Variants in RSL24D1 observed in about 807,000 individuals in gnomAD.
RSL24D1 encodes ribosomal L24 domain containing 1.
Under a neutral mutation model 26.2 loss-of-function variants are expected in RSL24D1, and 6 were observed. The ratio of observed to expected loss-of-function variants is 0.23; its 90% CI spans 0.13 to 0.45. The LOEUF (loss-of-function observed/expected upper bound fraction) is 0.45, where lower values mean the gene tolerates loss of function less well. RSL24D1 is among the 20% of genes least tolerant of loss of function. The pLI, the probability that RSL24D1 is intolerant of heterozygous loss-of-function variation, is 0.99. For missense variants in RSL24D1, 176 were observed against 202.6 expected, an observed-to-expected ratio of 0.87 and a Z score of 0.80; for synonymous variants, 61 against 59.1, an observed-to-expected ratio of 1.03 and a Z score of -0.15.
chr15:55,186,148 T>A (rs907836689), intron 3 of RSL24D1, among the ~76,000 whole-genome samples: 15 of 152,188 alleles, frequency 9.9e-5, no homozygotes, highest in African/African-American at 3.4e-4. Context: ...AAACATTTTA[T>A]CCTTGTTTTC....
At chr15:55,192,876 T>C (rs1894314260) in intron 1 of RSL24D1, 43 bp from the exon 2 acceptor site, 1 of 1,365,892 alleles carries the variant, frequency 7.3e-7, no homozygotes, top group Non-Finnish European at 1.0e-6. Flanking sequence ...CATTAAAAAC[T>C]TTTCTATCAC....
At chr15:55,193,821 T>TG (rs1894325634) in intron 1 of RSL24D1, among the ~76,000 whole-genome samples, 2 of 151,974 alleles carry the variant, frequency 1.3e-5, no homozygotes, top group African/African-American at 4.8e-5. Flanking sequence ...GACACTAGAG[T>TG]GAAAGCATGT....
rs906169033 is a variant in RSL24D1 at position 55,182,069 on chromosome 15, T to C, written c.*83A>G. ...ATCGCTTTTCATTTAAGTGACCTTA[T>C]GTAAAAAATAAAATAATTTAGCAGT... On this transcript the variant is annotated 3_prime_UTR_variant, in exon 6 of 6. Transcript: ENST00000260443. 3.8e-6 allele frequency: 3 copies of C among 798,592 alleles called. No homozygotes were observed. Among genetic ancestry groups the C allele is most frequent in the African/African-American group, 1.7e-5 (1 of 57,476 alleles). 49.5% of individuals were successfully genotyped at this position (798,592 alleles called of 1,614,324 possible). A position where few individuals can be genotyped will look rare whatever the true frequency, so the allele number is the denominator to read the frequency against.
chr15:55,184,126 G>C (rs144265897), intron 4 of RSL24D1, among the ~76,000 whole-genome samples: 1 of 152,152 alleles, frequency 6.6e-6, no homozygotes, highest in Non-Finnish European at 1.5e-5. Context: ...CTGCTGGCAC[G>C]TGCTTCTTTT....
intron 1 of RSL24D1, chr15:55,194,122 T>C (rs1431234949): frequency 1.3e-5 from 2 of 152,098 alleles, no homozygotes; most frequent in African/African-American, 2.4e-5. Context: ...CAATGAGGAA[T>C]CTAGTTGGTT....
rs1894162433 is a variant in RSL24D1, at chr15:55,181,199, C to T, written c.*953G>A. 1 of 152,182 alleles carries T rather than the reference C, an allele frequency of 6.6e-6. No homozygotes were observed. Among genetic ancestry groups the T allele is most frequent in the Non-Finnish European group, 1.5e-5 (1 of 68,034 alleles). 9.4% of individuals were successfully genotyped at this position (152,182 alleles called of 1,614,324 possible). A position where few individuals can be genotyped will look rare whatever the true frequency, so the allele number is the denominator to read the frequency against. ...AACATTAAGTATTAAGTATCTATTT[C>T]TCTTTAATTAAATGTATCTCCTACT... On this transcript the variant is annotated 3_prime_UTR_variant, in exon 6 of 6. Transcript: ENST00000260443.
At position 55,191,013 on chromosome 15, in the gene RSL24D1, T is replaced by G. The variant is rs370157846; in HGVS notation, c.230A>C (p.Glu77Ala). 1 of 1,604,692 alleles carries G rather than the reference T, an allele frequency of 6.2e-7. No homozygotes were observed. Among genetic ancestry groups the G allele is most frequent in the African/African-American group, 1.3e-5 (1 of 74,458 alleles). Residue 77 changes from glutamate to alanine, a missense_variant, in exon 3 of 6, where the codon GAA (glutamate) becomes GCA (alanine). Coordinates refer to ENST00000260443, the MANE Select transcript of RSL24D1 (RefSeq NM_016304.3). The part of the protein sequence containing the change: ...NSFEFEKRRN[E>A]PIKYQRELWN... ...TAGCTCTCGCTGGTATTTGATAGGT[T>G]CATTTCTACGTTTTTCAAATTCAAA... is the stretch of plus-strand genomic sequence containing the variant.
At chr15:55,184,893 C>T (rs1043214505) in intron 4 of RSL24D1, among the ~76,000 whole-genome samples, 3 of 152,064 alleles carry the variant, frequency 2.0e-5, no homozygotes, top group African/African-American at 7.2e-5. Flanking sequence ...AATAACTTGA[C>T]CTATAGTCTT....
chr15:55,185,109 GTTC>G (rs1308843757), intron 4 of RSL24D1, among the ~76,000 whole-genome samples: 1 of 152,074 alleles, frequency 6.6e-6, no homozygotes, highest in African/African-American at 2.4e-5. Flanking sequence ...TTAAGAGAAT[GTTC>G]TTATTTTTAG....
intron 1 of RSL24D1, among the ~76,000 whole-genome samples, chr15:55,193,795 C>A (rs1043689223): frequency 9.2e-5 from 14 of 152,164 alleles, no homozygotes; most frequent in African/African-American, 3.4e-4. Flanking sequence ...ATACCTCCTA[C>A]AGAGCCTTCT....
chr15:55,188,280 T>C (rs1894245453), intron 3 of RSL24D1, among the ~76,000 whole-genome samples: 1 of 152,196 alleles, frequency 6.6e-6, no homozygotes, highest in Non-Finnish European at 1.5e-5. Flanking sequence ...CATGAAACAA[T>C]CTTAAATTCC....
At chr15:55,190,824 A>T in intron 3 of RSL24D1, 151 bp downstream of exon 3, 1 of 626,828 alleles carries the variant, frequency 1.6e-6, no homozygotes, top group East Asian at 3.0e-5. Context: ...ATCTGACTAC[A>T]ACAGAACCAT....
At chr15:55,188,838 T>C (rs1158631012) in intron 3 of RSL24D1, among the ~76,000 whole-genome samples, 1 of 151,460 alleles carries the variant, frequency 6.6e-6, no homozygotes, top group African/African-American at 2.5e-5. Flanking sequence ...GCTGCTGTCT[T>C]CAAGTAATAA....
intron 1 of RSL24D1, among the ~76,000 whole-genome samples, chr15:55,195,955 A>G (rs879280868): frequency 2.0e-5 from 3 of 152,236 alleles, no homozygotes; most frequent in Admixed American, 6.5e-5. Context: ...GGTGAAAACC[A>G]GGAATCTGTA....
At position 55,182,046 on chromosome 15, in the gene RSL24D1, C is replaced by A. The variant is rs1046198430; in HGVS notation, c.*106G>T. 1 of 674,534 alleles carries A rather than the reference C, an allele frequency of 1.5e-6. No individual in the cohort carries two copies. Among genetic ancestry groups the A allele is most frequent in the Middle Eastern group, 4.1e-4 (1 of 2,428 alleles). The allele number at this position is 674,534 out of a possible 1,614,324, so 41.8% of individuals were successfully genotyped here. A position where few individuals can be genotyped will look rare whatever the true frequency, so the allele number is the denominator to read the frequency against. ...CAATGCAGGAAAGATGTCTTTTAAT[C>A]GCTTTTCATTTAAGTGACCTTATGT... On this transcript the variant is annotated 3_prime_UTR_variant, in exon 6 of 6. Transcript: ENST00000260443.
rs1459592781 is a variant in RSL24D1, at chr15:55,182,071, T to C, written c.*81A>G. On this transcript the variant is annotated 3_prime_UTR_variant, in exon 6 of 6. Coordinates refer to ENST00000260443, the MANE Select transcript of RSL24D1 (RefSeq NM_016304.3). ...CGCTTTTCATTTAAGTGACCTTATG[T>C]AAAAAATAAAATAATTTAGCAGTTC... 1 of 832,930 alleles carries C rather than the reference T, an allele frequency of 1.2e-6. No individual in the cohort carries two copies. The highest frequency in any genetic ancestry group is 2.5e-5 in the East Asian group (1 of 40,402). 51.6% of individuals were successfully genotyped at this position (832,930 alleles called of 1,614,324 possible). A position where few individuals can be genotyped will look rare whatever the true frequency, so the allele number is the denominator to read the frequency against.
chr15:55,183,950 A>C (rs1027336451), intron 4 of RSL24D1, among the ~76,000 whole-genome samples: 2 of 152,218 alleles, frequency 1.3e-5, no homozygotes, highest in African/African-American at 4.8e-5. Context: ...TAACTGTTAC[A>C]GTGCCTAGAT....
rs537064216 is a variant in RSL24D1 at position 55,182,410 on chromosome 15, C to T, written c.419-185G>A. Among the ~76,000 whole-genome samples, 6 of 152,232 alleles carry T rather than the reference C, an allele frequency of 3.9e-5. No individual in the cohort carries two copies. In the South Asian group the frequency reaches 1.2e-3, roughly 32 times the overall value. ...ATGCATCAAATAAACATTCTACATA[C>T]ATTTATTTGCTCATTTCACCCTCAT... On this transcript the variant is annotated intron_variant, in intron 5 of 5. Coordinates refer to ENST00000260443, the MANE Select transcript of RSL24D1 (RefSeq NM_016304.3).
intron 2 of RSL24D1, among the ~76,000 whole-genome samples, chr15:55,191,865 C>A (rs189363484): frequency 6.6e-6 from 1 of 152,168 alleles, no homozygotes; most frequent in African/African-American, 2.4e-5. Context: ...TGACTGTGAC[C>A]GGCAGTGTTT....
Sources: allele counts gnomAD v4.1 joint callset (sites outside exome capture counted in the v4.1 genomes callset), GRCh38; gene constraint gnomAD v4.1.1; transcripts MANE v1.5; gene names NCBI Gene and HGNC (gene_info 2026-07-23, HGNC 2026-07-21).